NWD1: variants seen among roughly 807,000 people sequenced by gnomAD.
NWD1 encodes the protein NACHT domain- and WD repeat-containing protein 1.
NWD1 carries 129 observed loss-of-function variants against 135.1 expected under a neutral mutation model. That is an observed-to-expected ratio of 0.96 (90% confidence interval 0.83 to 1.11). The LOEUF (loss-of-function observed/expected upper bound fraction) is 1.11, where lower values mean the gene tolerates loss of function less well. Among genes scored for constraint, NWD1 ranks in the 50% least tolerant of loss-of-function variants. The pLI, the probability that NWD1 is intolerant of heterozygous loss-of-function variation, is 0.00. For missense variants in NWD1, 1,740 were observed against 1,851.3 expected (o/e 0.94, Z 1.10); for synonymous variants, 773 against 786.0 (o/e 0.98, Z 0.28).
intron 18 of NWD1, among the ~76,000 whole-genome samples, chr19:16,810,471 G>C (rs971262275): frequency 6.2e-5 from 9 of 144,208 alleles, no homozygotes; most frequent in African/African-American, 2.3e-4. Context: ...AGAAAAAGAA[G>C]GCCTTGTAAG....
chr19:16,788,625 A>G (rs1436457666), intron 12 of NWD1, among the ~76,000 whole-genome samples: 1 of 151,920 alleles, frequency 6.6e-6, no homozygotes, highest in East Asian at 1.9e-4. Flanking sequence ...CCTTGATTAC[A>G]AAAATCAATA....
Position 16,806,410 on chromosome 19 carries a change from A to G in NWD1, c.3737-1176A>G, listed in dbSNP as rs536744916. 9.9e-5 allele frequency among the ~76,000 whole-genome samples: 15 copies of G among 152,250 alleles called. No individual in the cohort carries two copies. The East Asian group carries it at 2.9e-3, about 29-fold the overall frequency. ...AATGACTGCCTGATGTGGGAATACA[A>G]AAGTCTGGCCCCCTTGCTTCAAGAT... is the stretch of plus-strand genomic sequence containing the variant. On this transcript the variant is annotated intron_variant, in intron 17 of 18. Coordinates refer to ENST00000524140, the MANE Select transcript of NWD1 (RefSeq NM_001007525.5).
rs1479018583 is a variant in NWD1, at chr19:16,807,921, A to G, written c.4072A>G (p.Thr1358Ala). 6.2e-6 allele frequency: 10 copies of G among 1,613,906 alleles called. No homozygotes were observed. Among genetic ancestry groups the G allele is most frequent in the African/African-American group, 1.3e-5 (1 of 74,872 alleles). ...PETLSSVAIL[T>A]DYRVVYSMTN... Reference sequence around the variant, plus strand: ...GACCCTCTCCAGCGTGGCCATTCTGACGGACTACCGCGTGGTCTACAGCAT... The same window carrying G: ...GACCCTCTCCAGCGTGGCCATTCTGGCGGACTACCGCGTGGTCTACAGCAT... The change falls in exon 18 of 19, where the codon ACG becomes GCG. Residue 1358 changes from threonine to alanine, a missense_variant. Physicochemically the swap from Thr to Ala is moderately conservative, Grantham distance 58. Transcript: ENST00000524140.
chr19:16,797,891 G>T lies in NWD1; in HGVS notation c.3459+5G>T, dbSNP rs777658318. 5 of 1,611,682 alleles carry T rather than the reference G, an allele frequency of 3.1e-6. No homozygotes were observed. In the East Asian group the frequency reaches 6.7e-5, roughly 22 times the overall value. ...TCCCTTGATGCGCTCATTCAGGTGA[G>T]GGGAGATCTGGGACCCTTCATCCTC... On this transcript the variant is annotated splice_donor_5th_base_variant and intron_variant, in intron 16 of 18. Transcript: ENST00000524140.
intron 11 of NWD1, among the ~76,000 whole-genome samples, chr19:16,774,528 T>C (rs752737821): frequency 1.3e-5 from 2 of 151,250 alleles, no homozygotes; most frequent in Non-Finnish European, 2.9e-5. Context: ...TTCATTTATC[T>C]AGCCCCATTC....
chr19:16,790,646 T>TA lies in NWD1; in HGVS notation c.2941-701dup, dbSNP rs1185799134. 5.8e-3 allele frequency among the ~76,000 whole-genome samples: 687 copies of TA among 118,490 alleles called. 8 individuals carry two copies. Among genetic ancestry groups the TA allele is most frequent in the African/African-American group, 0.03 (626 of 20,972 alleles). 77.7% of individuals were successfully genotyped at this position (118,490 alleles called of 152,430 possible). A position where few individuals can be genotyped will look rare whatever the true frequency, so the allele number is the denominator to read the frequency against. ...GAAAGTAACATTAAAAAAAAATAAA[T>TA]AAATAAATAAATAAATAAATAAATA... On this transcript the variant is annotated intron_variant, in intron 13 of 18. Transcript: ENST00000524140.
Position 16,800,090 on chromosome 19 carries a change from C to T in NWD1, c.3664C>T (p.His1222Tyr), listed in dbSNP as rs777871733. 2.5e-6 allele frequency: 4 copies of T among 1,614,106 alleles called. No homozygotes were observed. In the South Asian group the frequency reaches 3.3e-5, roughly 13 times the overall value. The change falls in exon 17 of 19, where the codon CAC (histidine) becomes TAC (tyrosine). Residue 1222 changes from histidine to tyrosine, a missense_variant. By Grantham distance (83) the His-to-Tyr change is moderately conservative. Coordinates refer to ENST00000524140, the MANE Select transcript of NWD1 (RefSeq NM_001007525.5). ...CCGCACCGGCCTCACCGCAGTGTCC[C>T]ACAATGGAAGCTACGTCTACTTCCC... ...LDRTGLTAVSHNGSYVYFPKI... is the reference protein window; with the variant it reads ...LDRTGLTAVSYNGSYVYFPKI...
chr19:16,738,884 TTA>T (rs1245610230), intron 4 of NWD1, among the ~76,000 whole-genome samples: 11 of 142,646 alleles, frequency 7.7e-5, no homozygotes, highest in Middle Eastern at 3.6e-3. Flanking sequence ...ACATTATATA[TTA>T]TATATATATA....
intron 18 of NWD1, among the ~76,000 whole-genome samples, chr19:16,814,058 T>C (rs1420646117): frequency 6.6e-6 from 1 of 151,920 alleles, no homozygotes; most frequent in Non-Finnish European, 1.5e-5. Context: ...CTCAGGAGGA[T>C]AAAGTGATCA....
intron 6 of NWD1, among the ~76,000 whole-genome samples, chr19:16,752,694 A>C (rs1265042486): frequency 6.6e-6 from 1 of 151,976 alleles, no homozygotes. Context: ...ACTGGCTTAC[A>C]CTCTATAAGA....
At position 16,791,652 on chromosome 19, in the gene NWD1, C is replaced by T. The variant is rs188379479; in HGVS notation, c.3213+30C>T. On this transcript the variant is annotated intron_variant, in intron 14 of 18. Transcript: ENST00000524140. Reference sequence around the variant, plus strand: ...GCACCTTTACTGACTATGATGTGAACATTAACTCAGCTTGAAAGTGCTCAG... The same window carrying T: ...GCACCTTTACTGACTATGATGTGAATATTAACTCAGCTTGAAAGTGCTCAG... The T allele has an allele frequency of 1.1e-5, 18 of 1,602,968 alleles. No homozygotes were observed. In the Admixed American group the frequency reaches 2.0e-4, roughly 18 times the overall value.
At chr19:16,730,795 G>A (rs1272201151) in intron 2 of NWD1, among the ~76,000 whole-genome samples, 2 of 152,110 alleles carry the variant, frequency 1.3e-5, no homozygotes, top group African/African-American at 4.8e-5. Flanking sequence ...TTGGGAGGCT[G>A]AGGTGGGAAG....
chr19:16,811,429 C>G (rs1970919674), intron 18 of NWD1, among the ~76,000 whole-genome samples: 1 of 151,354 alleles, frequency 6.6e-6, no homozygotes, highest in South Asian at 2.1e-4. Flanking sequence ...CATAAAAATA[C>G]AAAAATTAGC....
intron 3 of NWD1, among the ~76,000 whole-genome samples, chr19:16,734,956 G>C (rs890141130): frequency 7.9e-5 from 12 of 151,806 alleles, no homozygotes; most frequent in Admixed American, 2.6e-4. Context: ...TAGAGATGAG[G>C]TCTTGCTACA....
At chr19:16,793,140 G>A (rs941604114) in intron 14 of NWD1, among the ~76,000 whole-genome samples, 1 of 152,082 alleles carries the variant, frequency 6.6e-6, no homozygotes, top group Admixed American at 6.6e-5. Flanking sequence ...CATGACCTGT[G>A]GTCTTCATGA....
In NWD1 at chr19:16,794,486, G is replaced by T. The variant is rs746648153; in HGVS notation, c.3237G>T (p.Leu1079Phe). The change falls in exon 15 of 19, where the codon TTG becomes TTT. Residue 1079 changes from leucine to phenylalanine, a missense_variant. Leu to Phe is a conservative substitution (Grantham distance 22). Transcript: ENST00000524140. Reference sequence around the variant, plus strand: ...AGGTTTCCTCCAAAGGGGACAGATTGCTGGAGAAGCTTCCAGATGCTGTGA... The same window carrying T: ...AGGTTTCCTCCAAAGGGGACAGATTTCTGGAGAAGCTTCCAGATGCTGTGA... ...ISLVSSKGDR[L>F]LEKLPDAVRF... 3.7e-6 allele frequency: 6 copies of T among 1,611,658 alleles called. No individual in the cohort carries two copies. Among genetic ancestry groups the T allele is most frequent in the Admixed American group, 1.7e-5 (1 of 59,834 alleles).
At chr19:16,800,652 G>A (rs1970577034) in intron 17 of NWD1, among the ~76,000 whole-genome samples, 1 of 152,132 alleles carries the variant, frequency 6.6e-6, no homozygotes, top group Admixed American at 6.6e-5. Context: ...CTCGTGTCTG[G>A]TGAGGACCCG....
intron 12 of NWD1, among the ~76,000 whole-genome samples, chr19:16,783,017 C>CTTCTTTCCTTCTTTCTTTCTT (rs1262295982): frequency 6.2e-4 from 84 of 134,916 alleles, no homozygotes; most frequent in African/African-American, 2.3e-3. Flanking sequence ...TCTTTCTTTC[C>CTTCTTTCCTTCTTTCTTTCTT]TTCTTTCTTT....
At position 16,737,964 on chromosome 19, in the gene NWD1, C is replaced by CGAAAAGAAAAGAAAAGAAAAGAAAA. The variant is rs60410383; in HGVS notation, c.198+1239_198+1263dup. ...TGGGCGACAGAGCAAGACTCTATCT[C>CGAAAAGAAAAGAAAAGAAAAGAAAA]GAAAAGAAAAGAAAAGAAAAGAAAA... On this transcript the variant is annotated intron_variant, in intron 4 of 18. Coordinates refer to ENST00000524140, the MANE Select transcript of NWD1 (RefSeq NM_001007525.5). 2.8e-3 allele frequency among the ~76,000 whole-genome samples: 348 copies of CGAAAAGAAAAGAAAAGAAAAGAAAA among 124,624 alleles called. 4 individuals carry two copies. Among genetic ancestry groups the CGAAAAGAAAAGAAAAGAAAAGAAAA allele is most frequent in the African/African-American group, 0.011 (325 of 30,484 alleles). The allele number at this position is 124,624 out of a possible 152,430, so 81.8% of individuals were successfully genotyped here.
Sources: allele counts gnomAD v4.1 joint callset (sites outside exome capture counted in the v4.1 genomes callset), GRCh38; gene constraint gnomAD v4.1.1; transcripts MANE v1.5; gene names NCBI Gene and HGNC (gene_info 2026-07-23, HGNC 2026-07-21).